The following PEX1 variants were observed in gnomAD, a reference collection of about 807,000 sequenced individuals.
The protein encoded by PEX1 is peroxisomal ATPase PEX1.
Under a neutral mutation model 152.5 loss-of-function variants are expected in PEX1, and 97 were observed. That is an observed-to-expected ratio of 0.64 (90% CI 0.54 to 0.75). The LOEUF is 0.75. Among genes scored for constraint, PEX1 ranks in the 30% least tolerant of loss-of-function variants. The pLI, the probability that PEX1 is intolerant of heterozygous loss-of-function variation, is 0.00. For synonymous variants in PEX1, 485 were observed against 531.6 expected (o/e 0.91, Z 1.21); for missense variants, 1,357 against 1,516.3 (o/e 0.89, Z 1.74).
rs1234699917 is a variant in PEX1 at position 92,504,737 on chromosome 7, G to A, written c.2066C>T (p.Ala689Val). The change falls in exon 12 of 24, where the codon GCT becomes GTT. Residue 689 changes from alanine to valine, a missense_variant. Physicochemically the swap from Ala to Val is moderately conservative, Grantham distance 64. Coordinates refer to ENST00000248633, the MANE Select transcript of PEX1 (RefSeq NM_000466.3). ...SPDAVQSQRL[A>V]HALNDMIKEF... ...CCAGTGGTGGATGCATTTACCATGA[G>A]CAAGCCGCTGGCTCTGCACCGCATC... 6.2e-7 allele frequency: 1 copy of A among 1,613,974 alleles called. No individual in the cohort carries two copies.
chr7:92,489,792 T>G lies in PEX1; in HGVS notation c.3558A>C (p.Gln1186His). 2 of 1,614,172 alleles carry G rather than the reference T, an allele frequency of 1.2e-6. No homozygotes were observed. Among genetic ancestry groups the G allele is most frequent in the Non-Finnish European group, 1.7e-6 (2 of 1,180,010 alleles). ...GATCTCTTTGTTCTTGTGTAAGTTCTTGGCAACCCTCTTGTGAAGCTGTCC... is the reference window on the plus strand; with the variant it reads ...GATCTCTTTGTTCTTGTGTAAGTTCGTGGCAACCCTCTTGTGAAGCTGTCC... ...VLRTASQEGC[Q>H]ELTQEQRDQL... Residue 1186 changes from glutamine (Q) to histidine (H), a missense_variant, in exon 22 of 24, where the codon CAA becomes CAC. Transcript: ENST00000248633.
intron 1 of PEX1, 131 bp downstream of exon 1, chr7:92,528,176 T>G: frequency 8.2e-7 from 1 of 1,218,124 alleles, no homozygotes; most frequent in South Asian, 1.4e-5. Context: ...GGCCCTGCCG[T>G]CGAGGGACCC....
intron 10 of PEX1, 46 bp from the exon 11 acceptor site, chr7:92,506,390 A>G: frequency 8.5e-7 from 1 of 1,173,586 alleles, no homozygotes; most frequent in Non-Finnish European, 1.3e-6. Context: ...ATTCAGTCAC[A>G]GAAATAGTTC....
chr7:92,497,163 G>A (rs1430043305), intron 16 of PEX1, among the ~76,000 whole-genome samples: 5 of 152,098 alleles, frequency 3.3e-5, no homozygotes, highest in African/African-American at 1.2e-4. Context: ...TATACTGAAT[G>A]TGTCTATCTG....
intron 16 of PEX1, among the ~76,000 whole-genome samples, chr7:92,499,340 A>G (rs1201179176): frequency 6.6e-6 from 1 of 152,256 alleles, no homozygotes; most frequent in Non-Finnish European, 1.5e-5. Context: ...GTGGATAAAC[A>G]AAGTATGGTA....
At chr7:92,510,918 TTAAA>T (rs761093176) in intron 8 of PEX1, 22 bp downstream of exon 8, 1 of 1,139,300 alleles carries the variant, frequency 8.8e-7, no homozygotes, top group South Asian at 1.3e-5. Flanking sequence ...TAGTATTTTA[TTAAA>T]TATTCAATAA....
At chr7:92,524,401 G>A (rs1233973579) in intron 1 of PEX1, among the ~76,000 whole-genome samples, 2 of 151,914 alleles carry the variant, frequency 1.3e-5, no homozygotes, top group African/African-American at 4.8e-5. Context: ...CCAAGTAGCT[G>A]GGATTACAGG....
chr7:92,493,275 C>T (rs1463355294), intron 19 of PEX1, 146 bp from the exon 20 acceptor site: 2 of 504,484 alleles, frequency 4.0e-6, no homozygotes, highest in East Asian at 3.4e-5. Flanking sequence ...CAACAGCCTA[C>T]TATTTATCTT....
Position 92,502,053 on chromosome 7 carries a change from A to G in PEX1, c.2253T>C (p.Asn751=), listed in dbSNP as rs769925670. The G allele has an allele frequency of 1.2e-6, 2 of 1,609,536 alleles. No individual in the cohort carries two copies. The highest frequency in any genetic ancestry group is 2.2e-5 in the East Asian group (1 of 44,848). The change falls in exon 14 of 24, where the codon AAT becomes AAC. Residue 751 remains asparagine, a synonymous_variant. Transcript: ENST00000248633. ...NQEQRCEILC[N]VIKNKLDCDI... Reference sequence around the variant, plus strand: ...CACAGTCCAATTTATTTTTTATTACATTACACAGAATTTCACATCTTTGTT... The same window carrying G: ...CACAGTCCAATTTATTTTTTATTACGTTACACAGAATTTCACATCTTTGTT...
At chr7:92,508,990 A>G (rs924938741) in intron 9 of PEX1, among the ~76,000 whole-genome samples, 6 of 152,132 alleles carry the variant, frequency 3.9e-5, no homozygotes, top group African/African-American at 1.2e-4. Context: ...ATTCAAGCAT[A>G]TATGATCCAC....
Position 92,487,342 on chromosome 7 carries a change from A to T in PEX1, c.*115T>A, listed in dbSNP as rs1790975181. The T allele has an allele frequency of 3.2e-6, 2 of 633,388 alleles. No individual in the cohort carries two copies. Among genetic ancestry groups the T allele is most frequent in the African/African-American group, 3.7e-5 (2 of 54,504 alleles). The allele number at this position is 633,388 out of a possible 1,614,324, so 39.2% of individuals were successfully genotyped here. ...CATTTACCAATCTGTGATTTTATAA[A>T]TTAACCAAATTTGTTAAATTAAGAA... On this transcript the variant is annotated 3_prime_UTR_variant, in exon 24 of 24. Coordinates refer to ENST00000248633, the MANE Select transcript of PEX1 (RefSeq NM_000466.3).
chr7:92,492,728 C>CA (rs1307421089), intron 20 of PEX1, among the ~76,000 whole-genome samples: 2 of 151,856 alleles, frequency 1.3e-5, no homozygotes, highest in African/African-American at 4.8e-5. Context: ...ATGTTTTTGC[C>CA]AATATTAAGG....
intron 23 of PEX1, among the ~76,000 whole-genome samples, chr7:92,488,895 G>A (rs1585208922): frequency 1.3e-5 from 2 of 152,116 alleles, no homozygotes; most frequent in Non-Finnish European, 2.9e-5. Flanking sequence ...CACCACACCT[G>A]GCTAATTTTT....
In PEX1 at chr7:92,487,544, GA is replaced by G; in HGVS notation, c.3768-4del. 2 of 1,460,226 alleles carry G rather than the reference GA, an allele frequency of 1.4e-6. No individual in the cohort carries two copies. The highest frequency in any genetic ancestry group is 1.9e-6 in the Non-Finnish European group (2 of 1,046,426). The allele number at this position is 1,460,226 out of a possible 1,614,324, so 90.5% of individuals were successfully genotyped here. A position where few individuals can be genotyped will look rare whatever the true frequency, so the allele number is the denominator to read the frequency against. ...TTGGATTTTGAAAGCTTTCATATCT[GA>G]AAAAAGAAAGAGATAATTTAATATG... On this transcript the variant is annotated splice_region_variant and splice_polypyrimidine_tract_variant and intron_variant, in intron 23 of 23. Transcript: ENST00000248633.
intron 23 of PEX1, among the ~76,000 whole-genome samples, chr7:92,488,702 T>C (rs1215797397): frequency 6.6e-6 from 1 of 152,164 alleles, no homozygotes; most frequent in Admixed American, 6.5e-5. Context: ...CTTTTAATTT[T>C]CCTTCTTATT....
intron 12 of PEX1, among the ~76,000 whole-genome samples, chr7:92,503,547 ATTGT>A (rs1270040551): frequency 1.3e-5 from 2 of 152,232 alleles, no homozygotes; most frequent in Admixed American, 6.5e-5. Flanking sequence ...TCCATACTGT[ATTGT>A]TTGTTAAACA....
chr7:92,491,968 T>C (rs966675559), intron 20 of PEX1, among the ~76,000 whole-genome samples: 1 of 152,214 alleles, frequency 6.6e-6, no homozygotes, highest in Non-Finnish European at 1.5e-5. Flanking sequence ...GTAGGTTCTG[T>C]AGACATTCCA....
Position 92,521,283 on chromosome 7 carries a change from T to C in PEX1, c.273+819A>G, listed in dbSNP as rs185363994. On this transcript the variant is annotated intron_variant, in intron 2 of 23. Coordinates refer to ENST00000248633, the MANE Select transcript of PEX1 (RefSeq NM_000466.3). The stretch of plus-strand genomic sequence containing the variant: ...GCCCAGCCTCACATTATTCTTACAG[T>C]TTAGAAAATGTTTAAAGGAATAACT... 1.4e-3 allele frequency among the ~76,000 whole-genome samples: 214 copies of C among 152,190 alleles called. 2 individuals carry two copies. The highest frequency in any genetic ancestry group is 4.8e-3 in the African/African-American group (199 of 41,516).
Position 92,511,028 on chromosome 7 carries a change from CAG to C in PEX1, c.1501_1502del (p.Leu501GlufsTer12), listed in dbSNP as rs786204743. The C allele has an allele frequency of 2.0e-6, 3 of 1,535,278 alleles. No individual in the cohort carries two copies. Among genetic ancestry groups the C allele is most frequent in the Non-Finnish European group, 2.7e-6 (3 of 1,109,690 alleles). On this transcript the variant is annotated frameshift_variant, in exon 8 of 24. Transcript: ENST00000248633. LOFTEE classifies it high-confidence loss of function. The stretch of plus-strand genomic sequence containing the variant: ...CTTTTTCCCAAGAATGAACTATACT[CAG>C]AGAAAATTCCTTCAGTCCTATTAAA... ...ETKDGLKEFS[L>X]SIVHSWEKEK...
Sources: allele counts gnomAD v4.1 joint callset (sites outside exome capture counted in the v4.1 genomes callset), GRCh38; gene constraint gnomAD v4.1.1; transcripts MANE v1.5; gene names NCBI Gene and HGNC (gene_info 2026-07-23, HGNC 2026-07-21).